MEIS1: variants seen among roughly 807,000 people sequenced by gnomAD.
MEIS1 encodes the protein Meis homeobox 1.
A neutral mutation model predicts 50.8 loss-of-function variants in MEIS1; 5 were observed. The ratio of observed to expected loss-of-function variants is 0.10; its 90% CI spans 0.05 to 0.21. MEIS1 has a LOEUF of 0.21. Among genes scored for constraint, MEIS1 ranks in the 10% least tolerant of loss-of-function variants. MEIS1 has a pLI of 1.00. For synonymous variants in MEIS1, 176 were observed against 179.3 expected (o/e 0.98, Z 0.15); for missense variants, 318 against 517.3 (o/e 0.61, Z 3.74).
chr2:66,511,504 C>T (rs1444404303), intron 7 of MEIS1, among the ~76,000 whole-genome samples: 1 of 152,076 alleles, frequency 6.6e-6, no homozygotes, highest in Non-Finnish European at 1.5e-5. Context: ...TTTAGCATTA[C>T]CTTATTTGAT....
At position 66,464,103 on chromosome 2, in the gene MEIS1, C is replaced by T. The variant is rs1210411430; in HGVS notation, c.631-6C>T. ...TTATTTGGGTTTCTGATTTGTGCCCCCACAGCCCTCTTGGAACAGAGATCA... is the reference window on the plus strand; with the variant it reads ...TTATTTGGGTTTCTGATTTGTGCCCTCACAGCCCTCTTGGAACAGAGATCA... On this transcript the variant is annotated splice_polypyrimidine_tract_variant and splice_region_variant and intron_variant, in intron 6 of 12. Transcript: ENST00000272369. 2 of 1,585,508 alleles carry T rather than the reference C, an allele frequency of 1.3e-6. No individual in the cohort carries two copies. The highest frequency in any genetic ancestry group is 1.7e-6 in the Non-Finnish European group (2 of 1,165,398).
intron 10 of MEIS1, 154 bp from the exon 11 acceptor site, chr2:66,568,513 T>TG: frequency 4.3e-6 from 2 of 463,374 alleles, no homozygotes; most frequent in Non-Finnish European, 3.8e-6. Flanking sequence ...GTAGATCTAG[T>TG]CTGAGAGAAA....
At chr2:66,570,564 G>A (rs1349667598) in intron 12 of MEIS1, 1 of 152,186 alleles carries the variant, frequency 6.6e-6, no homozygotes, top group African/African-American at 2.4e-5. Context: ...TAGCAATAGC[G>A]TTATGCCTTT....
At chr2:66,546,537 C>G (rs563082412) in intron 8 of MEIS1, among the ~76,000 whole-genome samples, 2 of 152,266 alleles carry the variant, frequency 1.3e-5, no homozygotes, top group East Asian at 3.9e-4. Context: ...TTATGTCTGC[C>G]TCTGTCCATC....
chr2:66,476,134 G>A (rs774846587), intron 7 of MEIS1, among the ~76,000 whole-genome samples: 10 of 152,140 alleles, frequency 6.6e-5, no homozygotes, highest in Admixed American at 3.3e-4. Flanking sequence ...AGAGATTCAG[G>A]TAAACAATGG....
At chr2:66,456,176 T>G (rs1345804548) in intron 6 of MEIS1, among the ~76,000 whole-genome samples, 1 of 151,338 alleles carries the variant, frequency 6.6e-6, no homozygotes, top group Non-Finnish European at 1.5e-5. Context: ...GGAACTCTAT[T>G]TAACAGATGC....
chr2:66,566,241 A>G (rs1675344692), intron 9 of MEIS1, among the ~76,000 whole-genome samples: 1 of 152,242 alleles, frequency 6.6e-6, no homozygotes, highest in South Asian at 2.1e-4. Flanking sequence ...ACAAGGATAC[A>G]GGATATTGAG....
intron 6 of MEIS1, among the ~76,000 whole-genome samples, chr2:66,445,578 T>C (rs1198817622): frequency 1.3e-5 from 2 of 152,202 alleles, no homozygotes; most frequent in Non-Finnish European, 2.9e-5. Context: ...GCTCCGGGAC[T>C]GGGCGCTTCT....
At chr2:66,549,809 A>T (rs113330989) in intron 9 of MEIS1, among the ~76,000 whole-genome samples, 11 of 152,224 alleles carry the variant, frequency 7.2e-5, no homozygotes, top group African/African-American at 2.4e-4. Context: ...AGCAAACTCC[A>T]CTCATAAACA....
Position 66,554,615 on chromosome 2 carries a change from T to C in MEIS1, c.965+6596T>C, listed in dbSNP as rs573859434. Among the ~76,000 whole-genome samples, 6 of 152,348 alleles carry C rather than the reference T, an allele frequency of 3.9e-5. 1 individual carries two copies. The highest frequency in any genetic ancestry group is 1.4e-4 in the African/African-American group (6 of 41,582). Reference sequence around the variant, plus strand: ...CCTACTCCTTGGATTTGGGCGACAGTGTCCTCTGGTTTAAAATGGACAAGT... The same window carrying C: ...CCTACTCCTTGGATTTGGGCGACAGCGTCCTCTGGTTTAAAATGGACAAGT... On this transcript the variant is annotated intron_variant, in intron 9 of 12. Coordinates refer to ENST00000272369, the MANE Select transcript of MEIS1 (RefSeq NM_002398.3).
rs780426250 is a variant in MEIS1, at chr2:66,437,821, A to T, written c.97A>T (p.Met33Leu). ...MYGDPHAARS[M>L]QPVHHLNHGP... ...TGGGGACCCGCATGCAGCCAGGTCCATGCAGCCGGTCCACCACCTGAACCA... is the reference window on the plus strand; with the variant it reads ...TGGGGACCCGCATGCAGCCAGGTCCTTGCAGCCGGTCCACCACCTGAACCA... The change falls in exon 2 of 13, where the codon ATG (methionine) becomes TTG (leucine). Residue 33 changes from methionine to leucine, a missense_variant. Physicochemically the swap from Met to Leu is conservative, Grantham distance 15 (BLOSUM62 2). Transcript: ENST00000272369. The T allele has an allele frequency of 1.9e-6, 3 of 1,613,946 alleles. No individual in the cohort carries two copies. Among genetic ancestry groups the T allele is most frequent in the Non-Finnish European group, 2.5e-6 (3 of 1,179,886 alleles).
chr2:66,511,024 C>T (rs183920049), intron 7 of MEIS1, among the ~76,000 whole-genome samples: 1 of 151,654 alleles, frequency 6.6e-6, no homozygotes, highest in Non-Finnish European at 1.5e-5. Context: ...TTTTTTTTTA[C>T]CTCATTTCTA....
intron 6 of MEIS1, among the ~76,000 whole-genome samples, chr2:66,452,952 AT>A (rs551859837): frequency 2.0e-5 from 3 of 152,040 alleles, no homozygotes; most frequent in East Asian, 3.9e-4. Context: ...CTAGTGTTCA[AT>A]TTTTTTATTC....
chr2:66,546,188 C>T (rs1167727494), intron 8 of MEIS1, among the ~76,000 whole-genome samples: 4 of 151,986 alleles, frequency 2.6e-5, no homozygotes, highest in African/African-American at 2.4e-5. Context: ...CGTGATAAGG[C>T]GGGGTGCTGG....
intron 7 of MEIS1, among the ~76,000 whole-genome samples, chr2:66,493,596 T>C (rs1209216877): frequency 6.6e-6 from 1 of 152,174 alleles, no homozygotes; most frequent in Non-Finnish European, 1.5e-5. Flanking sequence ...GAAGTTGTAA[T>C]TACTCTTCCT....
chr2:66,442,696 CT>C, intron 5 of MEIS1: 1 of 504,190 alleles, frequency 2.0e-6, no homozygotes, highest in South Asian at 3.3e-5. Context: ...CATCTTGTCA[CT>C]GTCAATTTTC....
intron 6 of MEIS1, among the ~76,000 whole-genome samples, chr2:66,456,577 G>A: frequency 6.6e-6 from 1 of 152,200 alleles, no homozygotes; most frequent in East Asian, 1.9e-4. Context: ...TGAGTCACCA[G>A]AATTACCCTT....
chr2:66,441,593 T>C, intron 5 of MEIS1, 129 bp downstream of exon 5: 2 of 736,736 alleles, frequency 2.7e-6, no homozygotes, highest in South Asian at 4.0e-5. Context: ...TGGTAATTAG[T>C]GTCAAGGCCA....
chr2:66,501,476 A>G (rs552058002), intron 7 of MEIS1, among the ~76,000 whole-genome samples: 1 of 151,918 alleles, frequency 6.6e-6, no homozygotes, highest in South Asian at 2.1e-4. Flanking sequence ...TGAATAGATG[A>G]AAAATGAGTA....
Sources: gnomAD v4.1 joint callset for allele counts (sites outside exome capture counted in the v4.1 genomes callset) on GRCh38, gnomAD v4.1.1 for gene constraint, MANE v1.5 for transcripts, NCBI Gene and HGNC (gene_info 2026-07-23, HGNC 2026-07-21) for gene names.